TMEM255B: variants seen among roughly 807,000 people sequenced by gnomAD.
TMEM255B encodes the protein transmembrane protein 255B, also known as family with sequence similarity 70, member B.
A neutral mutation model predicts 34.5 loss-of-function variants in TMEM255B; 35 were observed. That is an observed-to-expected ratio of 1.01 (90% CI 0.77 to 1.34). The LOEUF is 1.34. Among genes scored for constraint, TMEM255B ranks in the 40% most tolerant of loss-of-function variants. The probability of loss-of-function intolerance (pLI) is 0.00; values close to 1 mark genes in which losing one functional copy is unlikely to be tolerated. For missense variants in TMEM255B, 432 were observed against 433.2 expected, an observed-to-expected ratio of 1.00 and a Z score of 0.02; for synonymous variants, 206 against 201.2, an observed-to-expected ratio of 1.02 and a Z score of -0.20.
rs747420593 is a variant in TMEM255B, at chr13:113,801,612, C to G, written c.510-41C>G. On this transcript the variant is annotated intron_variant, in intron 6 of 8. Coordinates refer to ENST00000375353, the MANE Select transcript of TMEM255B (RefSeq NM_182614.4). ...CACAAGTTTAACTTGCGGGTGGTCA[C>G]TTGCCTCGTGCGGTGACGCCATGGT... 19 of 1,547,452 alleles carry G rather than the reference C, an allele frequency of 1.2e-5. No individual in the cohort carries two copies. The Middle Eastern group carries it at 8.7e-4, about 71-fold the overall frequency.
chr13:113,795,021 A>C, intron 3 of TMEM255B, 127 bp from the exon 4 acceptor site: 1 of 809,100 alleles, frequency 1.2e-6, no homozygotes, highest in South Asian at 1.6e-5. Context: ...ATAGGACGAA[A>C]GGTAGAGGTG....
At position 113,812,925 on chromosome 13, in the gene TMEM255B, G is replaced by GGGTCCCGGGTGGGTCACA. The variant is rs2051348354; in HGVS notation, c.*1039_*1040insAGGTCCCGGGTGGGTCAC. The GGGTCCCGGGTGGGTCACA allele has an allele frequency of 9.2e-6, 1 of 109,032 alleles. No homozygotes were observed. Among genetic ancestry groups the GGGTCCCGGGTGGGTCACA allele is most frequent in the South Asian group, 3.1e-4 (1 of 3,210 alleles). 6.8% of individuals were successfully genotyped at this position (109,032 alleles called of 1,614,324 possible). A position where few individuals can be genotyped will look rare whatever the true frequency, so the allele number is the denominator to read the frequency against. ...GAGTCACAGGCCCCGGGTGAGTCAC[G>GGGTCCCGGGTGGGTCACA]GGTCCCGGGTGGGTCACGGGTCCCG... On this transcript the variant is annotated 3_prime_UTR_variant, in exon 9 of 9. Transcript: ENST00000375353.
rs1490356343 is a variant in TMEM255B, at chr13:113,806,375, G to C, written c.813+1347G>C. Among the ~76,000 whole-genome samples the C allele has an allele frequency of 6.6e-6, 1 of 152,148 alleles. No homozygotes were observed. Among genetic ancestry groups the C allele is most frequent in the East Asian group, 1.9e-4 (1 of 5,194 alleles). The stretch of plus-strand genomic sequence containing the variant: ...GTCAGCCACCTTCAGCCATGCCCGG[G>C]ACACAGCAGCTGTTGGGCTCAGTGG... On this transcript the variant is annotated intron_variant, in intron 8 of 8. Coordinates refer to ENST00000375353, the MANE Select transcript of TMEM255B (RefSeq NM_182614.4). The surrounding 1 kb of genome is among the most constrained non-coding windows in gnomAD (Gnocchi z 4.2).
rs995726645 is a variant in TMEM255B at position 113,813,331 on chromosome 13, C to T, written c.*1428C>T. 1.3e-5 allele frequency: 2 copies of T among 152,360 alleles called. No homozygotes were observed. The highest frequency in any genetic ancestry group is 4.8e-5 in the African/African-American group (2 of 41,454). 9.4% of individuals were successfully genotyped at this position (152,360 alleles called of 1,614,324 possible). On this transcript the variant is annotated 3_prime_UTR_variant, in exon 9 of 9. Transcript: ENST00000375353. ...CGCTCTCAGGGCCTCACGTCCCTCC[C>T]TGCAAAGCCCCCCGTGCCTACGATA...
At chr13:113,775,785 TCC>T (rs1315738897) in intron 3 of TMEM255B, among the ~76,000 whole-genome samples, 1 of 152,196 alleles carries the variant, frequency 6.6e-6, no homozygotes, top group Non-Finnish European at 1.5e-5. Flanking sequence ...GAGGCCTCTT[TCC>T]CTGAAGCTCC....
intron 5 of TMEM255B, chr13:113,800,022 G>A: frequency 8.1e-7 from 1 of 1,229,820 alleles, no homozygotes; most frequent in South Asian, 1.4e-5. Flanking sequence ...GCCAGCACCT[G>A]CCAGCTTGTC....
intron 8 of TMEM255B, among the ~76,000 whole-genome samples, chr13:113,809,612 TGA>T (rs369771608): frequency 4.0e-5 from 6 of 149,998 alleles, no homozygotes; most frequent in African/African-American, 1.5e-4. Context: ...CCGTGGTTCC[TGA>T]GAGTTTACTC....
chr13:113,773,263 T>C (rs1414298089), intron 3 of TMEM255B, among the ~76,000 whole-genome samples: 1 of 152,258 alleles, frequency 6.6e-6, no homozygotes, highest in Non-Finnish European at 1.5e-5. Context: ...AGAAATACTG[T>C]TGACTTTGTA....
At chr13:113,784,403 C>G (rs979995645) in intron 3 of TMEM255B, among the ~76,000 whole-genome samples, 1 of 152,082 alleles carries the variant, frequency 6.6e-6, no homozygotes, top group Non-Finnish European at 1.5e-5. Flanking sequence ...ATGAGAAAGC[C>G]AGGGGAGGGC....
At chr13:113,782,476 T>C (rs1272951436) in intron 3 of TMEM255B, among the ~76,000 whole-genome samples, 1 of 152,252 alleles carries the variant, frequency 6.6e-6, no homozygotes, top group Non-Finnish European at 1.5e-5. Flanking sequence ...TTTAAAGTTA[T>C]GAAACTGCCA....
chr13:113,816,049 G>A lies in TMEM255B; in HGVS notation c.*4146G>A, dbSNP rs2051397534. 5.4e-6 allele frequency: 1 copy of A among 183,910 alleles called. No individual in the cohort carries two copies. The highest frequency in any genetic ancestry group is 2.5e-5 in the African/African-American group (1 of 39,932). The allele number at this position is 183,910 out of a possible 1,614,324, so 11.4% of individuals were successfully genotyped here. A position where few individuals can be genotyped will look rare whatever the true frequency, so the allele number is the denominator to read the frequency against. On this transcript the variant is annotated 3_prime_UTR_variant, in exon 9 of 9. Coordinates refer to ENST00000375353, the MANE Select transcript of TMEM255B (RefSeq NM_182614.4). Reference sequence around the variant, plus strand: ...GGGGAGGCAAGCGTGTTCGCAGCGTGTTCTGTATGGGGAGAGATGCAGTCA... The same window carrying A: ...GGGGAGGCAAGCGTGTTCGCAGCGTATTCTGTATGGGGAGAGATGCAGTCA...
chr13:113,777,734 C>T (rs1448734325), intron 3 of TMEM255B, among the ~76,000 whole-genome samples: 1 of 152,210 alleles, frequency 6.6e-6, no homozygotes, highest in Non-Finnish European at 1.5e-5. Context: ...GAGCCGTCTC[C>T]CTAGGTCATG....
chr13:113,798,462 A>G (rs1286529636), intron 4 of TMEM255B, among the ~76,000 whole-genome samples: 1 of 150,446 alleles, frequency 6.6e-6, no homozygotes, highest in Non-Finnish European at 1.5e-5. Context: ...AGGATGGATA[A>G]TGGATGGATG....
chr13:113,793,536 G>T (rs1280465940), intron 3 of TMEM255B, among the ~76,000 whole-genome samples: 1 of 152,214 alleles, frequency 6.6e-6, no homozygotes, highest in Non-Finnish European at 1.5e-5. Flanking sequence ...GACCGTGCCG[G>T]TCTGGGACCC....
intron 4 of TMEM255B, among the ~76,000 whole-genome samples, chr13:113,795,783 CAG>C (rs1307810492): frequency 1.4e-5 from 2 of 141,072 alleles, no homozygotes; most frequent in Admixed American, 7.1e-5. Flanking sequence ...ACACACACAA[CAG>C]AGCACACAGC....
intron 3 of TMEM255B, among the ~76,000 whole-genome samples, chr13:113,791,565 G>A (rs1420121282): frequency 6.6e-6 from 1 of 152,162 alleles, no homozygotes; most frequent in African/African-American, 2.4e-5. Flanking sequence ...ACTCAACCAG[G>A]AGCAGGGAAG....
At chr13:113,762,584 G>T (rs746693111) in intron 1 of TMEM255B, among the ~76,000 whole-genome samples, 5 of 152,188 alleles carry the variant, frequency 3.3e-5, no homozygotes, top group Non-Finnish European at 7.3e-5. Context: ...GGATTTACGT[G>T]GTTTCAGAGG....
intron 3 of TMEM255B, among the ~76,000 whole-genome samples, chr13:113,793,153 C>G (rs575618029): frequency 6.6e-6 from 1 of 152,182 alleles, no homozygotes; most frequent in African/African-American, 2.4e-5. Context: ...GGGCTCCGGT[C>G]CAAGGCCACC....
At chr13:113,780,854 C>T (rs1293974143) in intron 3 of TMEM255B, among the ~76,000 whole-genome samples, 1 of 152,160 alleles carries the variant, frequency 6.6e-6, no homozygotes, top group East Asian at 1.9e-4. Context: ...AAATCTGTTA[C>T]CTTGTGGCAC....
Sources: gnomAD v4.1 joint callset for allele counts (sites outside exome capture counted in the v4.1 genomes callset) on GRCh38, gnomAD v4.1.1 for gene constraint, Gnocchi (gnomAD v3.1) non-coding constraint, MANE v1.5 for transcripts, NCBI Gene and HGNC (gene_info 2026-07-23, HGNC 2026-07-21) for gene names.